Variants in SRGAP1 observed in about 807,000 individuals in gnomAD.
SRGAP1 encodes the protein SLIT-ROBO Rho GTPase activating protein 1.
A neutral mutation model predicts 121.9 loss-of-function variants in SRGAP1; 43 were observed. That is an observed-to-expected ratio of 0.35 (90% CI 0.28 to 0.46). The LOEUF (loss-of-function observed/expected upper bound fraction) is 0.46, where lower values mean the gene tolerates loss of function less well. SRGAP1 is among the 20% of genes least tolerant of loss of function. SRGAP1 has a pLI of 1.00. For missense variants in SRGAP1, 1,102 were observed against 1,350.9 expected (o/e 0.82, Z 2.89); for synonymous variants, 447 against 485.4 (o/e 0.92, Z 1.04).
chr12:64,156,268 A>G lies in SRGAP1; in HGVS notation c.*13596A>G, dbSNP rs1168723971. On this transcript the variant is annotated 3_prime_UTR_variant, in exon 22 of 22. Coordinates refer to ENST00000355086, the MANE Select transcript of SRGAP1 (RefSeq NM_020762.4). ...TTGAATCCTGATTATTTTTTCCTTA[A>G]TGTTGATTTTGTAGACTCATTTGCA... 1 of 152,008 alleles carries G rather than the reference A, an allele frequency of 6.6e-6. No homozygotes were observed. The highest frequency in any genetic ancestry group is 1.5e-5 in the Non-Finnish European group (1 of 67,970). 9.4% of individuals were successfully genotyped at this position (152,008 alleles called of 1,614,324 possible). A position where few individuals can be genotyped will look rare whatever the true frequency, so the allele number is the denominator to read the frequency against.
chr12:63,907,343 C>T (rs927200971), intron 1 of SRGAP1, among the ~76,000 whole-genome samples: 3 of 152,034 alleles, frequency 2.0e-5, no homozygotes, highest in African/African-American at 7.2e-5. Flanking sequence ...TCGAGACCAG[C>T]TTGGCCAACA....
intron 8 of SRGAP1, among the ~76,000 whole-genome samples, chr12:64,072,535 G>A (rs1377448571): frequency 1.3e-5 from 2 of 152,044 alleles, no homozygotes; most frequent in Admixed American, 1.3e-4. Context: ...AAAGGGGAGG[G>A]GAAATTTGGA....
At chr12:64,005,285 G>A (rs1232905658) in intron 3 of SRGAP1, among the ~76,000 whole-genome samples, 3 of 152,180 alleles carry the variant, frequency 2.0e-5, no homozygotes, top group African/African-American at 4.8e-5. Context: ...AACATTAACA[G>A]TTTCAAATGA....
At chr12:63,967,259 A>G (rs909938772) in intron 1 of SRGAP1, among the ~76,000 whole-genome samples, 1 of 152,140 alleles carries the variant, frequency 6.6e-6, no homozygotes, top group Non-Finnish European at 1.5e-5. Context: ...TTGGCAACAT[A>G]GTGAGGCCTC....
intron 19 of SRGAP1, 93 bp from the exon 20 acceptor site, chr12:64,127,497 C>A: frequency 7.9e-7 from 1 of 1,261,908 alleles, no homozygotes; most frequent in Non-Finnish European, 1.1e-6. Flanking sequence ...TACATAAATG[C>A]TATCACGTAA....
At chr12:64,101,683 T>C (rs1279049123) in intron 15 of SRGAP1, among the ~76,000 whole-genome samples, 2 of 152,100 alleles carry the variant, frequency 1.3e-5, no homozygotes, top group African/African-American at 4.8e-5. Context: ...ACCCACAAAG[T>C]CTGGGCAGCT....
intron 6 of SRGAP1, among the ~76,000 whole-genome samples, chr12:64,054,486 C>G (rs2035300696): frequency 2.6e-5 from 4 of 152,114 alleles, no homozygotes; most frequent in Admixed American, 2.6e-4. Flanking sequence ...TGACTTTTCC[C>G]CCATATAACG....
At chr12:64,079,589 G>C (rs1471631046) in intron 9 of SRGAP1, among the ~76,000 whole-genome samples, 1 of 151,942 alleles carries the variant, frequency 6.6e-6, no homozygotes, top group African/African-American at 2.4e-5. Context: ...GGGAGGCTGA[G>C]GTGAGAGGAT....
chr12:64,078,889 C>T, intron 8 of SRGAP1, 30 bp from the exon 9 acceptor site: 1 of 1,602,174 alleles, frequency 6.2e-7, no homozygotes. Flanking sequence ...AAATAATGTA[C>T]TAACGTGAGA....
chr12:63,958,651 G>T (rs2032545545), intron 1 of SRGAP1, among the ~76,000 whole-genome samples: 1 of 152,138 alleles, frequency 6.6e-6, no homozygotes, highest in Admixed American at 6.6e-5. Flanking sequence ...TAGGAGGCTG[G>T]TTGGCCAAAT....
chr12:63,862,941 C>A (rs1041301652), intron 1 of SRGAP1, among the ~76,000 whole-genome samples: 2 of 152,096 alleles, frequency 1.3e-5, no homozygotes, highest in African/African-American at 4.8e-5. Flanking sequence ...ATTCCCTGTT[C>A]TTAGAGGAGA....
chr12:63,908,818 G>A (rs2030351081), intron 1 of SRGAP1, among the ~76,000 whole-genome samples: 1 of 152,060 alleles, frequency 6.6e-6, no homozygotes, highest in Non-Finnish European at 1.5e-5. Flanking sequence ...ATAGAGTCTT[G>A]TGTATTAATC....
At chr12:64,014,312 A>G (rs1387039928) in intron 3 of SRGAP1, among the ~76,000 whole-genome samples, 1 of 152,180 alleles carries the variant, frequency 6.6e-6, no homozygotes, top group African/African-American at 2.4e-5. Context: ...GACAAAAGAA[A>G]AATGTAAGTG....
intron 1 of SRGAP1, among the ~76,000 whole-genome samples, chr12:63,937,216 A>G (rs2031693137): frequency 6.6e-6 from 1 of 152,162 alleles, no homozygotes; most frequent in Non-Finnish European, 1.5e-5. Flanking sequence ...GATTGTAGAA[A>G]CCTAAGAATT....
At position 63,953,398 on chromosome 12, in the gene SRGAP1, G is replaced by C. The variant is rs939858108; in HGVS notation, c.68-30549G>C. The stretch of plus-strand genomic sequence containing the variant: ...AGGTCTTCATGTAAGTTTCTTGATT[G>C]ATTTTTTTTTTTTTTTTTTTTGGTG... On this transcript the variant is annotated intron_variant, in intron 1 of 21. Coordinates refer to ENST00000355086, the MANE Select transcript of SRGAP1 (RefSeq NM_020762.4). Among the ~76,000 whole-genome samples, 9 of 124,880 alleles carry C rather than the reference G, an allele frequency of 7.2e-5. 1 individual carries two copies. Among genetic ancestry groups the C allele is most frequent in the African/African-American group, 2.2e-4 (7 of 32,286 alleles). 81.9% of individuals were successfully genotyped at this position (124,880 alleles called of 152,430 possible).
chr12:64,130,237 CTG>C (rs1338749878), intron 21 of SRGAP1, among the ~76,000 whole-genome samples: 1 of 152,168 alleles, frequency 6.6e-6, no homozygotes, highest in East Asian at 1.9e-4. Context: ...TTAGCCAACA[CTG>C]TAACTCCCTT....
chr12:63,846,676 A>C (rs147055652), intron 1 of SRGAP1, among the ~76,000 whole-genome samples: 69 of 152,090 alleles, frequency 4.5e-4, no homozygotes, highest in Non-Finnish European at 7.6e-4. Flanking sequence ...TTCCTTCCAC[A>C]CACCCACGAG....
intron 3 of SRGAP1, among the ~76,000 whole-genome samples, chr12:64,000,239 G>GGT (rs58289093): frequency 0.21 from 27,573 of 131,330 alleles, 2,742 homozygotes; most frequent in East Asian, 0.27. Flanking sequence ...GAAAGGTAGG[G>GGT]GTGTGTGTGT....
chr12:63,895,530 C>G (rs1900725300), intron 1 of SRGAP1, among the ~76,000 whole-genome samples: 1 of 152,166 alleles, frequency 6.6e-6, no homozygotes, highest in African/African-American at 2.4e-5. Flanking sequence ...CAACACAGTT[C>G]TATCCCTATT....
Sources: allele counts gnomAD v4.1 joint callset (sites outside exome capture counted in the v4.1 genomes callset), GRCh38; gene constraint gnomAD v4.1.1; transcripts MANE v1.5; gene names NCBI Gene and HGNC (gene_info 2026-07-23, HGNC 2026-07-21).